Variants in MDC1 observed in about 807,000 individuals in gnomAD.
The protein encoded by MDC1 is mediator of DNA damage checkpoint 1, also known as mediator of DNA damage checkpoint protein 1.
In MDC1, 81 loss-of-function variants were observed where a neutral mutation model predicts 142.5. The ratio of observed to expected loss-of-function variants is 0.57; its 90% confidence interval spans 0.47 to 0.68. The LOEUF is 0.68. Ranked by LOEUF, MDC1 falls within the 30% of genes least tolerant of loss-of-function variation. MDC1 has a pLI of 0.00. For synonymous variants in MDC1, 797 were observed against 968.4 expected (o/e 0.82, Z 3.29); for missense variants, 2,119 against 2,547.9 (o/e 0.83, Z 3.62).
rs1773383908 is a variant in MDC1, at chr6:30,704,591, A to G, written c.4592T>C (p.Val1531Ala). ...RSSVKTPETVVPAAPELQPST... is the reference protein window; with the variant it reads ...RSSVKTPETVAPAAPELQPST... ...AGGCTGGAGCTCAGGGGCTGCGGGC[A>G]CAACTGTTTCAGGGGTCTTGACAGA... Residue 1531 changes from valine (V) to alanine (A), a missense_variant, in exon 10 of 15, where the codon GTG becomes GCG. Transcript: ENST00000376406. 6.2e-7 allele frequency: 1 copy of G among 1,605,456 alleles called. No homozygotes were observed.
In MDC1 at chr6:30,705,373, C is replaced by G; in HGVS notation, c.3810G>C (p.Arg1270Ser). Reference sequence around the variant, plus strand: ...TGACAGAGGATCTATTTTTTCTTCCCCTAGTAGCCTGATATGTGGGCTCAG... The same window carrying G: ...TGACAGAGGATCTATTTTTTCTTCCGCTAGTAGCCTGATATGTGGGCTCAG... The part of the protein sequence containing the change: ...VTSEPTYQAT[R>S]GRKNRSSVKT... The change falls in exon 10 of 15, where the codon AGG becomes AGC. Residue 1270 changes from arginine (R) to serine (S), a missense_variant. Coordinates refer to ENST00000376406, the MANE Select transcript of MDC1 (RefSeq NM_014641.3). 1 of 1,600,158 alleles carries G rather than the reference C, an allele frequency of 6.2e-7. No individual in the cohort carries two copies.
At chr6:30,700,902 CAAAAAAA>C (rs9281018) in intron 14 of MDC1, among the ~76,000 whole-genome samples, 7 of 70,596 alleles carry the variant, frequency 9.9e-5, no homozygotes, top group Admixed American at 5.2e-4. Flanking sequence ...ACTAAAAATA[CAAAAAAA>C]AAAAAAAAAA....
rs1368588629 is a variant in MDC1 at position 30,704,060 on chromosome 6, T to C, written c.5123A>G (p.Gln1708Arg). 1 of 1,614,150 alleles carries C rather than the reference T, an allele frequency of 6.2e-7. No individual in the cohort carries two copies. Among genetic ancestry groups the C allele is most frequent in the African/African-American group, 1.3e-5 (1 of 75,034 alleles). Residue 1708 changes from glutamine (Q) to arginine (R), a missense_variant, in exon 10 of 15, where the codon CAG (glutamine) becomes CGG (arginine). By Grantham distance (43) the Gln-to-Arg change is conservative (BLOSUM62 1). Transcript: ENST00000376406. ...AGTAATAGGCTCAGGGGAAATAGGC[T>C]GGTCTGTGGTGACAGGAGATTGGAA... is the stretch of plus-strand genomic sequence containing the variant. ...PEFQSPVTTD[Q>R]PISPEPITQP... is the part of the protein sequence containing the mutation.
chr6:30,707,383 C>T lies in MDC1; in HGVS notation c.3084+1G>A, dbSNP rs780037257. ...TAGGAGGTAGAAAAAGTAGCTCTCA[C>T]CCTGGAAACCTTCTCAGCAGCTCTG... On this transcript the variant is annotated splice_donor_variant, in intron 9 of 14. Transcript: ENST00000376406. LOFTEE classifies it high-confidence loss of function. 6.8e-6 allele frequency: 11 copies of T among 1,612,964 alleles called. No homozygotes were observed. In the South Asian group the frequency reaches 1.2e-4, roughly 18 times the overall value.
Position 30,713,319 on chromosome 6 carries a change from A to G in MDC1, c.623T>C (p.Leu208Pro). Residue 208 changes from leucine to proline, a missense_variant, in exon 5 of 15, where the codon CTT (leucine) becomes CCT (proline). Physicochemically the swap from Leu to Pro is moderately conservative, Grantham distance 98. Transcript: ENST00000376406. This position sits in a 1 kb window ranked among gnomAD's most constrained non-coding sequence, Gnocchi z 4.9. ...CAAATTGAAGGCAAAAGGCGGCCCA[A>G]GGCCGCCCAGGACCGGGGAATGCCC... ...EEGHSPVLGG[L>P]GPPFAFNLNS... 1 of 1,588,556 alleles carries G rather than the reference A, an allele frequency of 6.3e-7. No homozygotes were observed. Among genetic ancestry groups the G allele is most frequent in the South Asian group, 1.1e-5 (1 of 88,152 alleles).
At position 30,716,120 on chromosome 6, in the gene MDC1, C is replaced by T. The variant is rs1429225659; in HGVS notation, c.-3-942G>A. On this transcript the variant is annotated intron_variant, in intron 1 of 14. Coordinates refer to ENST00000376406, the MANE Select transcript of MDC1 (RefSeq NM_014641.3). The surrounding 1 kb of genome is among the most constrained non-coding windows in gnomAD (Gnocchi z 4.4). ...CAGTCTTCGAACACACTGTTCTTGT[C>T]TTCCCACATCTTCATGCCTTAGCCC... 2.0e-5 allele frequency among the ~76,000 whole-genome samples: 3 copies of T among 152,230 alleles called. No individual in the cohort carries two copies. The highest frequency in any genetic ancestry group is 6.5e-5 in the Admixed American group (1 of 15,280).
At chr6:30,708,383 GA>G in intron 7 of MDC1, 26 bp from the exon 8 acceptor site, 1 of 1,565,328 alleles carries the variant, frequency 6.4e-7, no homozygotes, top group Non-Finnish European at 8.7e-7. Flanking sequence ...GGAAGAGAGA[GA>G]GAGGGAGAGG....
rs1367703705 is a variant in MDC1 at position 30,707,878 on chromosome 6, G to T, written c.2701C>A (p.Gln901Lys). 2 of 1,612,942 alleles carry T rather than the reference G, an allele frequency of 1.2e-6. No individual in the cohort carries two copies. The highest frequency in any genetic ancestry group is 2.7e-5 in the African/African-American group (2 of 74,908). ...KVEIETSEEI[Q>K]EKQVQKQTLP... ...GTCTGCTTCTGTACTTGTTTCTCTT[G>T]TATTTCCTCAGATGTCTCAATTTCT... The change falls in exon 8 of 15, where the codon CAA (glutamine) becomes AAA (lysine). Residue 901 changes from glutamine to lysine, a missense_variant. Transcript: ENST00000376406.
At chr6:30,710,559 G>A (rs947807424) in intron 7 of MDC1, among the ~76,000 whole-genome samples, 3 of 151,720 alleles carry the variant, frequency 2.0e-5, no homozygotes, top group Non-Finnish European at 4.4e-5. Flanking sequence ...CACCACACCC[G>A]GCTAATTTTG....
chr6:30,708,957 A>C (rs1774400454), intron 7 of MDC1, among the ~76,000 whole-genome samples: 1 of 151,648 alleles, frequency 6.6e-6, no homozygotes, highest in African/African-American at 2.4e-5. Context: ...TTCCAGCCTG[A>C]GTGACAGAGA....
In MDC1 at chr6:30,716,897, T is replaced by C; in HGVS notation, c.-4+348A>G. ...TGGAATTCACCTGAAAATATGCCAC[T>C]CTAGAGGGAAACTGTTGACAGGTAG... On this transcript the variant is annotated intron_variant, in intron 1 of 14. Transcript: ENST00000376406. This position sits in a 1 kb window ranked among gnomAD's most constrained non-coding sequence, Gnocchi z 4.4. 1.0e-6 allele frequency: 1 copy of C among 984,552 alleles called. No individual in the cohort carries two copies. Among genetic ancestry groups the C allele is most frequent in the Middle Eastern group, 5.2e-4 (1 of 1,912 alleles). 61.0% of individuals were successfully genotyped at this position (984,552 alleles called of 1,614,324 possible). A position where few individuals can be genotyped will look rare whatever the true frequency, so the allele number is the denominator to read the frequency against.
At position 30,701,060 on chromosome 6, in the gene MDC1, G is replaced by A. The variant is rs4713351; in HGVS notation, c.6103-428C>T. Among the ~76,000 whole-genome samples the A allele has an allele frequency of 5.7e-3, 786 of 138,596 alleles. 17 individuals carry two copies. Among genetic ancestry groups the A allele is most frequent in the Admixed American group, 0.036 (464 of 13,042 alleles). The allele number at this position is 138,596 out of a possible 152,430, so 90.9% of individuals were successfully genotyped here. A position where few individuals can be genotyped will look rare whatever the true frequency, so the allele number is the denominator to read the frequency against. ...ACTGCACTCCAGCCTGGGCTACAGA[G>A]CAAGACTCCATCTCAAAAGAAAAAA... On this transcript the variant is annotated intron_variant, in intron 14 of 14. Coordinates refer to ENST00000376406, the MANE Select transcript of MDC1 (RefSeq NM_014641.3).
In MDC1 at chr6:30,704,330, T is replaced by A. The variant is rs1413569980; in HGVS notation, c.4853A>T (p.Glu1618Val). 6.2e-7 allele frequency: 1 copy of A among 1,613,534 alleles called. No homozygotes were observed. Among genetic ancestry groups the A allele is most frequent in the South Asian group, 1.1e-5 (1 of 91,024 alleles). The change falls in exon 10 of 15, where the codon GAG becomes GTG. Residue 1618 changes from glutamate (E) to valine (V), a missense_variant. Physicochemically the swap from Glu to Val is moderately radical, Grantham distance 121. Transcript: ENST00000376406. Reference protein sequence around the residue: ...TPEPVVPTAPEPHPTTSTDQP... With the variant: ...TPEPVVPTAPVPHPTTSTDQP... ...GTCTGTGGAGGTGGTAGGATGGGGC[T>A]CAGGGGCTGTGGGGACAACTGGCTC...
chr6:30,715,108 G>A lies in MDC1; in HGVS notation c.68C>T (p.Ser23Phe), dbSNP rs762279433. ...TACTGGCTCCACGTTACACCTCAAG[G>A]ATTCACTGGATTGCTCTGTCTCCTC... ...EEEETEQSSESLRCNVEPVGR... is the reference protein window; with the variant it reads ...EEEETEQSSEFLRCNVEPVGR... Residue 23 changes from serine (S) to phenylalanine (F), a missense_variant, in exon 2 of 15, where the codon TCC becomes TTC. Ser to Phe is a radical substitution (Grantham distance 155, BLOSUM62 -2). Transcript: ENST00000376406. The surrounding 1 kb of genome is among the most constrained non-coding windows in gnomAD (Gnocchi z 4.1). 6.2e-7 allele frequency: 1 copy of A among 1,614,108 alleles called. No homozygotes were observed. Among genetic ancestry groups the A allele is most frequent in the Non-Finnish European group, 8.5e-7 (1 of 1,180,012 alleles).
At chr6:30,707,313 C>T in intron 9 of MDC1, 71 bp downstream of exon 9, 1 of 1,442,798 alleles carries the variant, frequency 6.9e-7, no homozygotes, top group South Asian at 1.1e-5. Context: ...TAAAGTGAGG[C>T]TAGGTGAAAG....
Position 30,704,315 on chromosome 6 carries a change from G to C in MDC1, c.4868C>G (p.Thr1623Ser). Residue 1623 changes from threonine to serine, a missense_variant, in exon 10 of 15, where the codon ACC becomes AGC. Thr to Ser is a moderately conservative substitution (Grantham distance 58, BLOSUM62 1). Transcript: ENST00000376406. ...GGGGGTGACAGGCTGGTCTGTGGAGGTGGTAGGATGGGGCTCAGGGGCTGT... is the reference window on the plus strand; with the variant it reads ...GGGGGTGACAGGCTGGTCTGTGGAGCTGGTAGGATGGGGCTCAGGGGCTGT... ...VPTAPEPHPT[T>S]STDQPVTPKL... The C allele has an allele frequency of 6.2e-7, 1 of 1,613,800 alleles. No individual in the cohort carries two copies. The highest frequency in any genetic ancestry group is 8.5e-7 in the Non-Finnish European group (1 of 1,179,830).
At chr6:30,711,608 A>T in intron 6 of MDC1, 59 bp downstream of exon 6, 2 of 1,605,626 alleles carry the variant, frequency 1.2e-6, no homozygotes, top group Non-Finnish European at 1.7e-6. Context: ...TTCAAGGACC[A>T]CCAGTCTAAT....
chr6:30,707,735 T>G lies in MDC1; in HGVS notation c.2844A>C (p.Arg948Ser), dbSNP rs766643302. The G allele has an allele frequency of 5.8e-5, 94 of 1,613,050 alleles. 2 individuals are homozygous for G. In the East Asian group the frequency reaches 8.0e-4, roughly 14 times the overall value. ...CCTGGCTCCCTCCCTCTGGCTCCCC[T>G]CTCTGTGTATCTCTCTCCAGGATCA... ...PKVILERDTQ[R>S]GEPEGGSQDQ... Residue 948 changes from arginine to serine, a missense_variant, in exon 8 of 15, where the codon AGA (arginine) becomes AGC (serine). Transcript: ENST00000376406.
Position 30,709,504 on chromosome 6 carries a change from A to G in MDC1, c.2222-1147T>C, listed in dbSNP as rs1774491964. Among the ~76,000 whole-genome samples the G allele has an allele frequency of 6.6e-6, 1 of 152,258 alleles. No individual in the cohort carries two copies. The highest frequency in any genetic ancestry group is 2.4e-5 in the African/African-American group (1 of 41,476). On this transcript the variant is annotated intron_variant, in intron 7 of 14. Transcript: ENST00000376406. The surrounding 1 kb of genome is among the most constrained non-coding windows in gnomAD (Gnocchi z 4.2). ...ATATCCACTATCTCAAACATTTATC[A>G]TTTCTTTGTCTTGGAAACATATCAA...
Sources: gnomAD v4.1 joint callset for allele counts (sites outside exome capture counted in the v4.1 genomes callset) on GRCh38, gnomAD v4.1.1 for gene constraint, Gnocchi (gnomAD v3.1) non-coding constraint, MANE v1.5 for transcripts, NCBI Gene and HGNC (gene_info 2026-07-23, HGNC 2026-07-21) for gene names.